The following PRKCQ variants were observed in gnomAD, a reference collection of about 807,000 sequenced individuals.
PRKCQ encodes protein kinase C theta type.
A neutral mutation model predicts 91.2 loss-of-function variants in PRKCQ; 41 were observed. The ratio of observed to expected loss-of-function variants is 0.45; its 90% CI spans 0.35 to 0.58. PRKCQ has a LOEUF of 0.58. Ranked by LOEUF, PRKCQ falls within the 20% of genes least tolerant of loss-of-function variation. The pLI, the probability that PRKCQ is intolerant of heterozygous loss-of-function variation, is 0.00. For missense variants in PRKCQ, 673 were observed against 896.5 expected, an observed-to-expected ratio of 0.75 and a Z score of 3.18; for synonymous variants, 307 against 316.9, an observed-to-expected ratio of 0.97 and a Z score of 0.33.
chr10:6,476,288 C>A (rs993730760), intron 12 of PRKCQ, among the ~76,000 whole-genome samples: 11 of 117,982 alleles, frequency 9.3e-5, no homozygotes, highest in Admixed American at 8.0e-4. Flanking sequence ...CCCCGTAAGA[C>A]ATGAAAACTG....
At chr10:6,514,958 C>T in intron 2 of PRKCQ, 60 bp downstream of exon 2, 3 of 1,608,940 alleles carry the variant, frequency 1.9e-6, no homozygotes, top group South Asian at 2.2e-5. Flanking sequence ...TTGCTTCATA[C>T]ACAGTTCATA....
chr10:6,454,844 C>T (rs1834923515), intron 15 of PRKCQ, among the ~76,000 whole-genome samples: 1 of 152,084 alleles, frequency 6.6e-6, no homozygotes, highest in Admixed American at 6.6e-5. Context: ...GGACCAAGCA[C>T]TGAATCACGT....
the PRKCQ span, among the ~76,000 whole-genome samples, chr10:6,396,874 C>A: frequency 6.6e-6 from 1 of 152,182 alleles, no homozygotes. Flanking sequence ...TTTTCAAATG[C>A]ATTGCAACAT....
intron 1 of PRKCQ, among the ~76,000 whole-genome samples, chr10:6,530,049 G>A (rs1279058310): frequency 6.6e-6 from 1 of 152,162 alleles, no homozygotes; most frequent in African/African-American, 2.4e-5. Context: ...TGTTAGTCAC[G>A]AAGCATTTGG....
At position 6,497,349 on chromosome 10, in the gene PRKCQ, C is replaced by A; in HGVS notation, c.543-98G>T. ...ATGAGATCTCATAACCCCCTAAGAT[C>A]ACAGAGCAGTTTCTGATCAGCAGCC... On this transcript the variant is annotated intron_variant, in intron 5 of 17. Coordinates refer to ENST00000263125, the MANE Select transcript of PRKCQ (RefSeq NM_006257.5). This position sits in a 1 kb window ranked among gnomAD's most constrained non-coding sequence, Gnocchi z 4.5. 2 of 1,401,588 alleles carry A rather than the reference C, an allele frequency of 1.4e-6. No individual in the cohort carries two copies. The highest frequency in any genetic ancestry group is 1.2e-5 in the South Asian group (1 of 85,554). The allele number at this position is 1,401,588 out of a possible 1,614,324, so 86.8% of individuals were successfully genotyped here.
downstream of PRKCQ, among the ~76,000 whole-genome samples, chr10:6,424,476 C>T (rs11258708): frequency 0.18 from 27,914 of 151,998 alleles, 2,777 homozygotes; most frequent in Non-Finnish European, 0.23. Context: ...GCTCCTTCTT[C>T]CCCGAAGTTG....
Position 6,498,532 on chromosome 10 carries a change from T to A in PRKCQ, c.406A>T (p.Thr136Ser). The A allele has an allele frequency of 6.2e-7, 1 of 1,614,056 alleles. No individual in the cohort carries two copies. Among genetic ancestry groups the A allele is most frequent in the Non-Finnish European group, 8.5e-7 (1 of 1,179,988 alleles). Residue 136 changes from threonine to serine, a missense_variant, in exon 5 of 18, where the codon ACG becomes TCG. Thr to Ser is a moderately conservative substitution (Grantham distance 58). Coordinates refer to ENST00000263125, the MANE Select transcript of PRKCQ (RefSeq NM_006257.5). ...SDTKDMNEFE[T>S]EGFFALHQRR... ...TGATGCAAAGCAAAGAAGCCTTCCG[T>A]CTCAAATTCATTCATGTCCTTTGTG...
chr10:6,565,844 T>A (rs1256989135), intron 1 of PRKCQ, among the ~76,000 whole-genome samples: 1 of 152,224 alleles, frequency 6.6e-6, no homozygotes, highest in Non-Finnish European at 1.5e-5. Context: ...TTTTGCAAAC[T>A]AATATTTACA....
intron 7 of PRKCQ, among the ~76,000 whole-genome samples, chr10:6,495,761 A>G (rs1254355885): frequency 6.6e-6 from 1 of 152,228 alleles, no homozygotes; most frequent in Non-Finnish European, 1.5e-5. Flanking sequence ...AGATTTCATA[A>G]TGAGTGACAG....
At chr10:6,533,388 G>T (rs1426334998) in intron 1 of PRKCQ, among the ~76,000 whole-genome samples, 1 of 152,074 alleles carries the variant, frequency 6.6e-6, no homozygotes, top group Non-Finnish European at 1.5e-5. Context: ...GTGGAGACGG[G>T]GTTTCACCAC....
chr10:6,574,567 C>T (rs1321911034), intron 1 of PRKCQ, among the ~76,000 whole-genome samples: 1 of 152,216 alleles, frequency 6.6e-6, no homozygotes, highest in East Asian at 1.9e-4. Context: ...TCCAGCTCCA[C>T]CCAGCAATAG....
chr10:6,456,719 G>A lies in PRKCQ; in HGVS notation c.1602C>T (p.Ala534=), dbSNP rs745763594. 1.2e-6 allele frequency: 2 copies of A among 1,613,992 alleles called. No individual in the cohort carries two copies. Among genetic ancestry groups the A allele is most frequent in the Non-Finnish European group, 1.7e-6 (2 of 1,180,024 alleles). The change falls in exon 15 of 18, where the codon GCC becomes GCT. Residue 534 remains alanine (A), a synonymous_variant. Transcript: ENST00000263125. ...GTGTCCCACAGAAGGTATTCGTCTT[G>A]GCATCTCCTAACATGTTCTCCTTGC... ...GMCKENMLGD[A]KTNTFCGTPD...
At chr10:6,404,102 G>A in the PRKCQ span, among the ~76,000 whole-genome samples, 1 of 151,984 alleles carries the variant, frequency 6.6e-6, no homozygotes, top group African/African-American at 2.4e-5. Flanking sequence ...TAGGATTATG[G>A]TCACAGTTTT....
At position 6,441,768 on chromosome 10, in the gene PRKCQ, C is replaced by G. The variant is rs1435268747; in HGVS notation, c.1836+125G>C. 3.1e-6 allele frequency: 3 copies of G among 969,198 alleles called. No homozygotes were observed. The South Asian group carries it at 5.7e-5, about 18-fold the overall frequency. The allele number at this position is 969,198 out of a possible 1,614,324, so 60.0% of individuals were successfully genotyped here. A position where few individuals can be genotyped will look rare whatever the true frequency, so the allele number is the denominator to read the frequency against. Reference sequence around the variant, plus strand: ...ATTAAAACACAGACGGTGCACATCCCATTTAAACCCAGTTCAATAATAATC... The same window carrying G: ...ATTAAAACACAGACGGTGCACATCCGATTTAAACCCAGTTCAATAATAATC... On this transcript the variant is annotated intron_variant, in intron 16 of 17. Coordinates refer to ENST00000263125, the MANE Select transcript of PRKCQ (RefSeq NM_006257.5).
intron 1 of PRKCQ, among the ~76,000 whole-genome samples, chr10:6,573,221 A>G (rs943202497): frequency 6.6e-6 from 1 of 152,234 alleles, no homozygotes; most frequent in African/African-American, 2.4e-5. Context: ...AAAACTGTGT[A>G]GAAGGCCTGC....
At chr10:6,462,095 A>C (rs1835378302) in intron 14 of PRKCQ, among the ~76,000 whole-genome samples, 2 of 152,252 alleles carry the variant, frequency 1.3e-5, no homozygotes, top group Admixed American at 6.5e-5. Context: ...GGACAGAATG[A>C]GCTCAGCACT....
intron 15 of PRKCQ, among the ~76,000 whole-genome samples, chr10:6,453,723 T>C (rs1588682803): frequency 7.1e-6 from 1 of 141,746 alleles, no homozygotes; most frequent in African/African-American, 2.7e-5. Context: ...ATATACACCA[T>C]GGAATACTAT....
At chr10:6,403,148 C>T in the PRKCQ span, among the ~76,000 whole-genome samples, 7,508 of 152,250 alleles carry the variant, frequency 0.049, 282 homozygotes, top group East Asian at 0.12. Flanking sequence ...GGGCACTGGC[C>T]GGCCCTGCTG....
At chr10:6,574,385 C>T (rs368591715) in intron 1 of PRKCQ, among the ~76,000 whole-genome samples, 7 of 152,174 alleles carry the variant, frequency 4.6e-5, no homozygotes, top group Admixed American at 2.0e-4. Flanking sequence ...TATGACTTAA[C>T]GCAGGACAAC....
Sources: gnomAD v4.1 joint callset for allele counts (sites outside exome capture counted in the v4.1 genomes callset) on GRCh38, gnomAD v4.1.1 for gene constraint, Gnocchi (gnomAD v3.1) non-coding constraint, MANE v1.5 for transcripts, NCBI Gene and HGNC (gene_info 2026-07-23, HGNC 2026-07-21) for gene names.